Variants in CSMD2 observed in about 807,000 individuals in gnomAD.
The protein encoded by CSMD2 is CUB and Sushi multiple domains 2, also known as CUB and sushi domain-containing protein 2.
In CSMD2, 130 loss-of-function variants were observed where a neutral mutation model predicts 398.5. The observed-to-expected ratio is 0.33, with a 90% CI of 0.28 to 0.38. The LOEUF (loss-of-function observed/expected upper bound fraction) is 0.38. CSMD2 is among the 10% of genes least tolerant of loss of function. The probability of loss-of-function intolerance (pLI) is 1.00; values close to 1 mark genes in which losing one functional copy is unlikely to be tolerated. For missense variants in CSMD2, 3,829 were observed against 4,764.9 expected, an observed-to-expected ratio of 0.80 and a Z score of 5.78; for synonymous variants, 1,828 against 1,908.5, an observed-to-expected ratio of 0.96 and a Z score of 1.10.
chr1:34,165,811 C>A, upstream of CSMD2: 1 of 1,607,804 alleles, frequency 6.2e-7, no homozygotes, highest in Non-Finnish European at 8.5e-7. Flanking sequence ...TTATGAGCCT[C>A]ATTCACAATA....
At chr1:33,644,179 AC>A (rs34138188) in intron 29 of CSMD2, among the ~76,000 whole-genome samples, 30,102 of 151,876 alleles carry the variant, frequency 0.2, 4,955 homozygotes, top group African/African-American at 0.45. Flanking sequence ...CCCTCTAGAT[AC>A]CCACCTTGGG....
intron 32 of CSMD2, among the ~76,000 whole-genome samples, chr1:33,631,179 T>A (rs546982095): frequency 1.2e-4 from 19 of 152,072 alleles, no homozygotes; most frequent in Admixed American, 9.2e-4. Flanking sequence ...GGATGATGAA[T>A]GCACGATGCA....
chr1:34,142,453 T>C (rs1433589852), intron 1 of CSMD2, among the ~76,000 whole-genome samples: 2 of 152,180 alleles, frequency 1.3e-5, no homozygotes, highest in African/African-American at 2.4e-5. Context: ...CCCAGCGGAA[T>C]TGGCCTTTGC....
intron 15 of CSMD2, among the ~76,000 whole-genome samples, chr1:33,736,948 A>C (rs1646906005): frequency 6.6e-6 from 1 of 152,224 alleles, no homozygotes; most frequent in Admixed American, 6.5e-5. Context: ...AGAAATTAGA[A>C]GTGGTCAATG....
In CSMD2 at chr1:33,611,108, G is replaced by A. The variant is rs771512427; in HGVS notation, c.6276C>T (p.His2092=). 26 of 1,613,922 alleles carry A rather than the reference G, an allele frequency of 1.6e-5. No individual in the cohort carries two copies. The highest frequency in any genetic ancestry group is 2.2e-5 in the East Asian group (1 of 44,892). ...CGCTGTGGAAATACACGGTGGTCTCGTGGGACGTGGAGAGGAGGGAGCTTG... is the reference window on the plus strand; with the variant it reads ...CGCTGTGGAAATACACGGTGGTCTCATGGGACGTGGAGAGGAGGGAGCTTG... ...ELPSSLLSTS[H]ETTVYFHSDH... Residue 2092 remains histidine (H), a synonymous_variant, in exon 41 of 71, where the codon CAC becomes CAT. Transcript: ENST00000373381.
At chr1:34,050,305 T>G (rs917735408) in intron 2 of CSMD2, among the ~76,000 whole-genome samples, 1 of 152,304 alleles carries the variant, frequency 6.6e-6, no homozygotes, top group South Asian at 2.1e-4. Context: ...AGACACTTAT[T>G]TTGGATATGG....
intron 5 of CSMD2, among the ~76,000 whole-genome samples, chr1:33,889,033 G>A (rs1641801402): frequency 6.6e-6 from 1 of 152,052 alleles, no homozygotes; most frequent in Non-Finnish European, 1.5e-5. Context: ...GCCTCCCAAA[G>A]TGCTGGGATT....
chr1:33,860,090 A>G (rs1428052037), intron 5 of CSMD2, among the ~76,000 whole-genome samples: 2 of 152,196 alleles, frequency 1.3e-5, no homozygotes, highest in Non-Finnish European at 2.9e-5. Context: ...GAAATCAGCA[A>G]TGGTACAGTA....
intron 55 of CSMD2, among the ~76,000 whole-genome samples, chr1:33,553,756 G>C (rs1359782767): frequency 6.6e-6 from 1 of 152,178 alleles, no homozygotes; most frequent in Non-Finnish European, 1.5e-5. Context: ...ATAAGAAAAT[G>C]AAACAGCCTT....
At chr1:33,538,077 T>C (rs2148583372) in intron 60 of CSMD2, among the ~76,000 whole-genome samples, 1 of 152,354 alleles carries the variant, frequency 6.6e-6, no homozygotes. Flanking sequence ...GGCTACACAA[T>C]TAGCAACAGG....
intron 44 of CSMD2, among the ~76,000 whole-genome samples, chr1:33,589,193 G>A (rs986912969): frequency 1.3e-5 from 2 of 152,188 alleles, no homozygotes; most frequent in African/African-American, 4.8e-5. Context: ...GGAAGGCCAC[G>A]TCCACACTTG....
At chr1:33,596,569 A>G (rs1639851347) in intron 44 of CSMD2, among the ~76,000 whole-genome samples, 1 of 152,204 alleles carries the variant, frequency 6.6e-6, no homozygotes, top group African/African-American at 2.4e-5. Flanking sequence ...TAGGAAATTT[A>G]CAATCATGGG....
At chr1:34,136,361 T>C (rs1040740384) in intron 1 of CSMD2, among the ~76,000 whole-genome samples, 2 of 152,242 alleles carry the variant, frequency 1.3e-5, no homozygotes, top group African/African-American at 4.8e-5. Context: ...TGAGTTTCTT[T>C]TGGTTCCAAA....
intron 21 of CSMD2, among the ~76,000 whole-genome samples, chr1:33,710,008 C>T (rs1302334288): frequency 6.6e-6 from 1 of 152,202 alleles, no homozygotes; most frequent in Non-Finnish European, 1.5e-5. Flanking sequence ...GCTTCTCCTC[C>T]TCCAGAATTA....
intron 3 of CSMD2, among the ~76,000 whole-genome samples, chr1:33,944,602 G>C (rs1644784585): frequency 6.6e-6 from 1 of 152,156 alleles, no homozygotes; most frequent in African/African-American, 2.4e-5. Flanking sequence ...AGATCCGAAG[G>C]GTCACACAGC....
intron 60 of CSMD2, among the ~76,000 whole-genome samples, chr1:33,538,231 T>C (rs1422975966): frequency 1.3e-5 from 2 of 152,172 alleles, no homozygotes; most frequent in Admixed American, 6.5e-5. Flanking sequence ...GAGAATTCTC[T>C]AGGAGTGAAC....
intron 7 of CSMD2, among the ~76,000 whole-genome samples, chr1:33,825,471 G>C (rs1658689864): frequency 6.6e-6 from 1 of 152,270 alleles, no homozygotes; most frequent in Non-Finnish European, 1.5e-5. Context: ...GAGGGAGAAA[G>C]AGGACAAGGA....
intron 1 of CSMD2, among the ~76,000 whole-genome samples, chr1:34,105,247 C>T (rs1660417257): frequency 6.6e-6 from 1 of 152,168 alleles, no homozygotes; most frequent in African/African-American, 2.4e-5. Flanking sequence ...TAATTCTTCA[C>T]TGTGGGAGGC....
intron 13 of CSMD2, among the ~76,000 whole-genome samples, chr1:33,748,179 G>C (rs551198423): frequency 6.6e-6 from 1 of 152,146 alleles, no homozygotes. Flanking sequence ...GGAAGTGTGC[G>C]TTGTCTTACA....
Sources: allele counts gnomAD v4.1 joint callset (sites outside exome capture counted in the v4.1 genomes callset), GRCh38; gene constraint gnomAD v4.1.1; transcripts MANE v1.5; gene names NCBI Gene and HGNC (gene_info 2026-07-23, HGNC 2026-07-21).